The following PMS2 variants were observed in gnomAD, a reference collection of about 807,000 sequenced individuals.
The protein encoded by PMS2 is PMS1 homolog 2, mismatch repair system component.
Under a neutral mutation model 90.0 loss-of-function variants are expected in PMS2, and 69 were observed. That is an observed-to-expected ratio of 0.77 (90% CI 0.63 to 0.94). PMS2 has a LOEUF of 0.94. Among genes scored for constraint, PMS2 ranks in the 40% least tolerant of loss-of-function variants. The pLI is 0.00. For synonymous variants in PMS2, 332 were observed against 375.1 expected, an observed-to-expected ratio of 0.89 and a Z score of 1.33; for missense variants, 966 against 1,040.2, an observed-to-expected ratio of 0.93 and a Z score of 0.98.
At chr7:5,975,742 G>C (rs1444998112) in intron 14 of PMS2, among the ~76,000 whole-genome samples, 1 of 67,482 alleles carries the variant, frequency 1.5e-5, no homozygotes, top group African/African-American at 4.7e-5. Flanking sequence ...TGCCTGTGTT[G>C]CCCAGGCTGG....
At position 5,995,696 on chromosome 7, in the gene PMS2, C is replaced by A. The variant is rs1784326041; in HGVS notation, c.804-63G>T. 2.8e-6 allele frequency: 3 copies of A among 1,085,238 alleles called. No individual in the cohort carries two copies. In the African/African-American group the frequency reaches 4.6e-5, roughly 17 times the overall value. The allele number at this position is 1,085,238 out of a possible 1,614,324, so 67.2% of individuals were successfully genotyped here. Reference sequence around the variant, plus strand: ...GTGAAAGGGATTAGAAATACGATCACATGGCACATTCTTAAAGTGAAATGA... The same window carrying A: ...GTGAAAGGGATTAGAAATACGATCAAATGGCACATTCTTAAAGTGAAATGA... On this transcript the variant is annotated intron_variant, in intron 7 of 14. Coordinates refer to ENST00000265849, the MANE Select transcript of PMS2 (RefSeq NM_000535.7).
intron 8 of PMS2, among the ~76,000 whole-genome samples, chr7:5,993,542 GAGAAAATATAGAAATCTAT>G (rs765298327): frequency 2.0e-5 from 3 of 151,436 alleles, no homozygotes; most frequent in African/African-American, 7.3e-5. Context: ...ATAGAAAGAA[GAGAAAATATAGAAATCTAT>G]AGAAAATATA....
upstream of PMS2, chr7:6,009,066 G>C (rs1562712634): frequency 1.5e-5 from 24 of 1,607,398 alleles, no homozygotes; most frequent in Non-Finnish European, 2.0e-5. Context: ...GTTCCCTCCA[G>C]GGCTCCCACA....
chr7:5,988,878 C>A (rs1307182391), intron 10 of PMS2, among the ~76,000 whole-genome samples: 1 of 151,962 alleles, frequency 6.6e-6, no homozygotes, highest in Non-Finnish European at 1.5e-5. Flanking sequence ...TTTTTTGAGA[C>A]GGAGTCTCGC....
rs201914670 is a variant in PMS2 at position 5,977,752 on chromosome 7, C to T, written c.2281G>A (p.Val761Ile). 9 of 1,605,468 alleles carry T rather than the reference C, an allele frequency of 5.6e-6. 1 individual carries two copies. The highest frequency in any genetic ancestry group is 6.8e-6 in the Non-Finnish European group (8 of 1,174,048). The change falls in exon 14 of 15, where the codon GTC becomes ATC. Residue 761 changes from valine to isoleucine, a missense_variant. Val to Ile is a conservative substitution (Grantham distance 29, BLOSUM62 3). Around this residue, in one of 2 missense-constraint regions of PMS2, gnomAD observed 95 missense variants for 237.8 expected, o/e 0.40. Coordinates refer to ENST00000265849, the MANE Select transcript of PMS2 (RefSeq NM_000535.7). The stretch of plus-strand genomic sequence containing the variant: ...GAAATCAGTTTAGCCCTTTCAGTGA[C>T]TGGAGCTAAAAGAATACAATTTTGA... Reference protein sequence around the residue: ...FDFVIDENAPVTERAKLISLP... With the variant: ...FDFVIDENAPITERAKLISLP...
rs1060503122 is a variant in PMS2 at position 5,995,577 on chromosome 7, C to G, written c.860G>C (p.Arg287Thr). ...THGVGRSSTD[R>T]QFFFINRRPC... Reference sequence around the variant, plus strand: ...CCGCCGGTTGATAAAGAAAAACTGTCTGTCTGTTGAACTCCTTCCAACTCC... The same window carrying G: ...CCGCCGGTTGATAAAGAAAAACTGTGTGTCTGTTGAACTCCTTCCAACTCC... Residue 287 changes from arginine to threonine, a missense_variant, in exon 8 of 15, where the codon AGA becomes ACA. By Grantham distance (71) the Arg-to-Thr change is moderately conservative. Coordinates refer to ENST00000265849, the MANE Select transcript of PMS2 (RefSeq NM_000535.7). The G allele has an allele frequency of 6.2e-7, 1 of 1,614,086 alleles. No individual in the cohort carries two copies. Among genetic ancestry groups the G allele is most frequent in the Non-Finnish European group, 8.5e-7 (1 of 1,179,960 alleles).
chr7:5,993,862 CAAAAAAAAAAAA>C (rs61677497), intron 8 of PMS2, among the ~76,000 whole-genome samples: 2 of 38,940 alleles, frequency 5.1e-5, no homozygotes, highest in Non-Finnish European at 4.1e-5. Flanking sequence ...GACTCTGTCT[CAAAAAAAAAAAA>C]AAAAAAAAAA....
chr7:5,977,446 G>A (rs1378436229), intron 14 of PMS2, 142 bp downstream of exon 14: 35 of 752,734 alleles, frequency 4.6e-5, no homozygotes, highest in South Asian at 3.6e-4. Context: ...CAGCTACGAC[G>A]CTGCACGTAG....
intron 10 of PMS2, among the ~76,000 whole-genome samples, chr7:5,988,151 G>C (rs1250307448): frequency 6.8e-6 from 1 of 147,458 alleles, no homozygotes; most frequent in Admixed American, 6.8e-5. Context: ...TGCTCACAAA[G>C]ATCAGGATCA....
chr7:6,007,551 C>T (rs536804914), intron 1 of PMS2, among the ~76,000 whole-genome samples: 1 of 152,262 alleles, frequency 6.6e-6, no homozygotes, highest in African/African-American at 2.4e-5. Flanking sequence ...AGAATGTATC[C>T]CGTGTGTTCA....
intron 11 of PMS2, 60 bp downstream of exon 11, chr7:5,986,691 CAAAAAAAT>C (rs1468284196): frequency 2.2e-5 from 28 of 1,284,492 alleles, no homozygotes; most frequent in Non-Finnish European, 2.7e-5. Flanking sequence ...GACTCTGTCT[CAAAAAAAT>C]AAAAAATAAA....
At chr7:5,979,294 G>A (rs1202560423) in intron 12 of PMS2, among the ~76,000 whole-genome samples, 2 of 146,152 alleles carry the variant, frequency 1.4e-5, no homozygotes, top group Non-Finnish European at 3.0e-5. Flanking sequence ...GGGAGGCTGA[G>A]GCACTAGAAT....
rs1060503125 is a variant in PMS2 at position 5,989,827 on chromosome 7, T to G, written c.1117A>C (p.Ser373Arg). The G allele has an allele frequency of 6.2e-7, 1 of 1,613,238 alleles. No individual in the cohort carries two copies. Among genetic ancestry groups the G allele is most frequent in the Non-Finnish European group, 8.5e-7 (1 of 1,179,362 alleles). The change falls in exon 10 of 15, where the codon AGT (serine) becomes CGT (arginine). Residue 373 changes from serine (S) to arginine (R), a missense_variant. Coordinates refer to ENST00000265849, the MANE Select transcript of PMS2 (RefSeq NM_000535.7). ...TCAACATCCAGCAGTGGCTGCTGACTGACATTTAGCTTGTTGACATCACTA... is the reference window on the plus strand; with the variant it reads ...TCAACATCCAGCAGTGGCTGCTGACGGACATTTAGCTTGTTGACATCACTA... ...FDSDVNKLNV[S>R]QQPLLDVEGN...
At chr7:6,002,978 T>C (rs1785271833) in intron 4 of PMS2, among the ~76,000 whole-genome samples, 1 of 152,164 alleles carries the variant, frequency 6.6e-6, no homozygotes. Flanking sequence ...TTTTAAAGAA[T>C]CTAACAAATA....
chr7:5,990,723 A>C (rs1783642075), intron 9 of PMS2, among the ~76,000 whole-genome samples: 1 of 152,094 alleles, frequency 6.6e-6, no homozygotes, highest in South Asian at 2.1e-4. Flanking sequence ...AGAATAATTA[A>C]AGATGTAGGC....
chr7:5,992,563 G>T (rs1369268360), intron 8 of PMS2, among the ~76,000 whole-genome samples: 1 of 151,734 alleles, frequency 6.6e-6, no homozygotes, highest in African/African-American at 2.4e-5. Flanking sequence ...CAGTTGATCC[G>T]CCCGCCTCAA....
At chr7:5,983,943 C>T (rs1245649034) in intron 11 of PMS2, among the ~76,000 whole-genome samples, 1 of 151,870 alleles carries the variant, frequency 6.6e-6, no homozygotes, top group Non-Finnish European at 1.5e-5. Context: ...TGAGCCACCG[C>T]ACCTGGCCTA....
chr7:5,997,446 CACAGTTACTTCCTAATAAAG>C (rs1784555512), intron 6 of PMS2, 23 bp from the exon 7 acceptor site: 1 of 1,160,432 alleles, frequency 8.6e-7, no homozygotes, highest in African/African-American at 1.5e-5. Context: ...AAAAAAAATT[CACAGTTACTTCCTAATAAAG>C]ACAGAGTGGA....
Position 5,999,281 on chromosome 7 carries a change from T to C in PMS2, c.538-6A>G, listed in dbSNP as rs1784835616. 5.6e-6 allele frequency: 9 copies of C among 1,611,586 alleles called. No individual in the cohort carries two copies. In the East Asian group the frequency reaches 2.0e-4, roughly 36 times the overall value. On this transcript the variant is annotated splice_region_variant and splice_polypyrimidine_tract_variant and intron_variant, in intron 5 of 14. Coordinates refer to ENST00000265849, the MANE Select transcript of PMS2 (RefSeq NM_000535.7). ...TGGACCATTTTGGCATACTCCTGTT[T>C]AAAAAACACAAACACAATATTCTAC...
Sources: allele counts gnomAD v4.1 joint callset (sites outside exome capture counted in the v4.1 genomes callset), GRCh38; gene constraint gnomAD v4.1.1; regional missense constraint gnomAD v4.1.1; transcripts MANE v1.5; gene names NCBI Gene and HGNC (gene_info 2026-07-23, HGNC 2026-07-21).